Variants in CMIP observed in about 807,000 individuals in gnomAD.
CMIP encodes the protein C-Maf-inducing protein.
A neutral mutation model predicts 97.3 loss-of-function variants in CMIP; 13 were observed. The ratio of observed to expected loss-of-function variants is 0.13; its 90% CI spans 0.09 to 0.21. The LOEUF is 0.21. CMIP is among the 10% of genes least tolerant of loss of function. CMIP has a pLI of 1.00. For missense variants in CMIP, 847 were observed against 1,024.9 expected (o/e 0.83, Z 2.37); for synonymous variants, 538 against 436.3 (o/e 1.23, Z -2.91).
chr16:81,475,956 C>T, intron 1 of CMIP: 3 of 441,978 alleles, frequency 6.8e-6, no homozygotes, highest in Non-Finnish European at 1.3e-5. Flanking sequence ...CACTGCGCTC[C>T]AGCGTGGGTG....
intron 1 of CMIP, among the ~76,000 whole-genome samples, chr16:81,485,416 T>TA (rs1206969991): frequency 1.3e-5 from 2 of 152,224 alleles, no homozygotes; most frequent in Admixed American, 1.3e-4. Context: ...AAGCTGATAA[T>TA]ACTGCAAGTG....
intron 2 of CMIP, chr16:81,610,511 C>T (rs1486813731): frequency 1.0e-6 from 1 of 985,582 alleles, no homozygotes; most frequent in Non-Finnish European, 1.2e-6. Context: ...CAGACACGGC[C>T]TCCCAACCCT....
rs1259233952 is a variant in CMIP, at chr16:81,614,980, T to C, written c.427-5896T>C. On this transcript the variant is annotated intron_variant, in intron 2 of 20. Transcript: ENST00000537098. This position sits in a 1 kb window ranked among gnomAD's most constrained non-coding sequence, Gnocchi z 5.3. ...GTGGTGTGTTGTGTGATATGTGACGTGTGTGTGTGGTGTATGTGTCTATAT... is the reference window on the plus strand; with the variant it reads ...GTGGTGTGTTGTGTGATATGTGACGCGTGTGTGTGGTGTATGTGTCTATAT... Among the ~76,000 whole-genome samples, 1 of 150,684 alleles carries C rather than the reference T, an allele frequency of 6.6e-6. No homozygotes were observed. Among genetic ancestry groups the C allele is most frequent in the South Asian group, 2.1e-4 (1 of 4,756 alleles).
chr16:81,657,001 C>G (rs1211985384), intron 4 of CMIP, among the ~76,000 whole-genome samples: 1 of 151,934 alleles, frequency 6.6e-6, no homozygotes, highest in Non-Finnish European at 1.5e-5. Flanking sequence ...TTTGCATTCT[C>G]AGACTAGGTT....
chr16:81,446,418 G>T (rs1257026506), intron 1 of CMIP, among the ~76,000 whole-genome samples: 1 of 151,952 alleles, frequency 6.6e-6, no homozygotes, highest in Non-Finnish European at 1.5e-5. Context: ...AAAGACAGCT[G>T]TGGTGGGGTC....
intron 10 of CMIP, among the ~76,000 whole-genome samples, chr16:81,681,005 C>T (rs1019643368): frequency 2.6e-5 from 4 of 152,210 alleles, no homozygotes; most frequent in Non-Finnish European, 5.9e-5. Context: ...CCATCTGCGT[C>T]CAGACCCCCT....
intron 10 of CMIP, among the ~76,000 whole-genome samples, chr16:81,680,737 C>T (rs1597241629): frequency 6.6e-6 from 1 of 152,182 alleles, no homozygotes; most frequent in African/African-American, 2.4e-5. Context: ...CGGGTTAGGG[C>T]GCCTCCCTGG....
chr16:81,576,169 T>A (rs7196548), intron 1 of CMIP, among the ~76,000 whole-genome samples: 1 of 151,980 alleles, frequency 6.6e-6, no homozygotes, highest in Non-Finnish European at 1.5e-5. Context: ...TTTGGGAGGC[T>A]GAGGCGGGTG....
At position 81,445,439 on chromosome 16, in the gene CMIP, G is replaced by A; in HGVS notation, c.198G>A (p.Arg66=). The A allele has an allele frequency of 3.1e-6, 5 of 1,587,750 alleles. No homozygotes were observed. Among genetic ancestry groups the A allele is most frequent in the Non-Finnish European group, 4.3e-6 (5 of 1,167,234 alleles). The change falls in exon 1 of 21, where the codon CGG becomes CGA. Residue 66 remains arginine, a synonymous_variant. Coordinates refer to ENST00000537098, the MANE Select transcript of CMIP (RefSeq NM_198390.3). ...GCGACATTCAGGTCTGTGTCATCCG[G>A]CACCCGCGGACCTTTCTCAGCAAGA... ...QEGDIQVCVI[R]HPRTFLSKIL...
chr16:81,663,573 T>G (rs2092570649), intron 6 of CMIP, among the ~76,000 whole-genome samples: 1 of 152,192 alleles, frequency 6.6e-6, no homozygotes, highest in Non-Finnish European at 1.5e-5. Flanking sequence ...ATTAGACATT[T>G]GTCTAAACAC....
chr16:81,639,493 A>C (rs113587263), intron 3 of CMIP, among the ~76,000 whole-genome samples: 10 of 152,322 alleles, frequency 6.6e-5, no homozygotes, highest in African/African-American at 2.4e-4. Flanking sequence ...ATATGCGTGG[A>C]ATCACACAAG....
intron 2 of CMIP, among the ~76,000 whole-genome samples, chr16:81,615,889 A>T (rs1227114938): frequency 2.0e-5 from 3 of 152,150 alleles, no homozygotes; most frequent in Non-Finnish European, 4.4e-5. Context: ...TCTGATGGAA[A>T]GATGCTCATT....
chr16:81,493,801 C>T (rs1191303395), intron 1 of CMIP, among the ~76,000 whole-genome samples: 2 of 152,210 alleles, frequency 1.3e-5, no homozygotes, highest in Admixed American at 6.5e-5. Flanking sequence ...GGGCGAGTCA[C>T]CTGCTGGCTC....
At chr16:81,608,595 C>A (rs1324935683) in intron 2 of CMIP, among the ~76,000 whole-genome samples, 1 of 152,110 alleles carries the variant, frequency 6.6e-6, no homozygotes, top group African/African-American at 2.4e-5. Context: ...ACCCGCCCAC[C>A]CTTGACCTCA....
At chr16:81,643,653 G>T (rs998070694) in intron 3 of CMIP, among the ~76,000 whole-genome samples, 9 of 152,162 alleles carry the variant, frequency 5.9e-5, no homozygotes, top group Non-Finnish European at 1.3e-4. Context: ...TTAGCCGGGT[G>T]TGGTGGTGGG....
chr16:81,480,472 A>C lies in CMIP; in HGVS notation c.300+34931A>C, dbSNP rs1283246327. ...TGAGAATCGCTTGAACCCGAGAGGC[A>C]GAGGCTGCAGTGAGCCAAGATCGTG... On this transcript the variant is annotated intron_variant, in intron 1 of 20. Coordinates refer to ENST00000537098, the MANE Select transcript of CMIP (RefSeq NM_198390.3). Among the ~76,000 whole-genome samples the C allele has an allele frequency of 2.6e-5, 4 of 152,190 alleles. No homozygotes were observed. In the East Asian group the frequency reaches 7.7e-4, roughly 29 times the overall value.
intron 10 of CMIP, among the ~76,000 whole-genome samples, chr16:81,685,169 A>G (rs1456556072): frequency 6.6e-6 from 1 of 152,134 alleles, no homozygotes; most frequent in East Asian, 1.9e-4. Context: ...CAGACTTCCA[A>G]GCTGGTCTGG....
At chr16:81,629,134 TAAAAAAAAAAA>T (rs10533097) in intron 3 of CMIP, among the ~76,000 whole-genome samples, 227 of 45,692 alleles carry the variant, frequency 5.0e-3, no homozygotes, top group East Asian at 0.018. Flanking sequence ...AAACTGTGCT[TAAAAAAAAAAA>T]AAAAAAAAAA....
At position 81,678,641 on chromosome 16, in the gene CMIP, C is replaced by T. The variant is rs79505712; in HGVS notation, c.1388+13C>T. ...TCCTCAAGCTGCTGTGAGTGCCCCC[C>T]CCGCGTGCCCGCCCCCGGGGCCGGT... On this transcript the variant is annotated intron_variant, in intron 10 of 20. Transcript: ENST00000537098. 8.7e-5 allele frequency: 115 copies of T among 1,318,230 alleles called. No homozygotes were observed. Among genetic ancestry groups the T allele is most frequent in the African/African-American group, 3.3e-4 (23 of 69,786 alleles). 81.7% of individuals were successfully genotyped at this position (1,318,230 alleles called of 1,614,324 possible).
Sources: gnomAD v4.1 joint callset for allele counts (sites outside exome capture counted in the v4.1 genomes callset) on GRCh38, gnomAD v4.1.1 for gene constraint, Gnocchi (gnomAD v3.1) non-coding constraint, MANE v1.5 for transcripts, NCBI Gene and HGNC (gene_info 2026-07-23, HGNC 2026-07-21) for gene names.